Variants in GPSM1 observed in about 807,000 individuals in gnomAD.
GPSM1 encodes G protein-signaling modulator 1.
GPSM1 carries 48 observed loss-of-function variants against 70.5 expected under a neutral mutation model. That is an observed-to-expected ratio of 0.68 (90% CI 0.54 to 0.87). The LOEUF is 0.87. Ranked by LOEUF, GPSM1 falls within the 40% of genes least tolerant of loss-of-function variation. The pLI is 0.00. For missense variants in GPSM1, 981 were observed against 972.6 expected (o/e 1.01, Z -0.11); for synonymous variants, 416 against 430.1 (o/e 0.97, Z 0.41).
chr9:136,335,196 C>T (rs1342058133), intron 2 of GPSM1, among the ~76,000 whole-genome samples: 1 of 151,892 alleles, frequency 6.6e-6, no homozygotes, highest in Non-Finnish European at 1.5e-5. Flanking sequence ...AGGCCCTGAG[C>T]CCCGGGCCCA....
At chr9:136,347,966 G>A (rs1021785650) in intron 9 of GPSM1, among the ~76,000 whole-genome samples, 2 of 152,222 alleles carry the variant, frequency 1.3e-5, no homozygotes, top group Non-Finnish European at 2.9e-5. Flanking sequence ...GCTTGAAGGT[G>A]GGCCTGGCTG....
In GPSM1 at chr9:136,343,011, T is replaced by C. The variant is rs1414409701; in HGVS notation, c.1207+2018T>C. Among the ~76,000 whole-genome samples, 1 of 152,044 alleles carries C rather than the reference T, an allele frequency of 6.6e-6. No homozygotes were observed. The highest frequency in any genetic ancestry group is 2.4e-5 in the African/African-American group (1 of 41,394). On this transcript the variant is annotated intron_variant, in intron 9 of 13. Coordinates refer to ENST00000440944, the MANE Select transcript of GPSM1 (RefSeq NM_001145638.3). The surrounding 1 kb of genome is among the most constrained non-coding windows in gnomAD (Gnocchi z 6.0). ...GTTGATAAACACAAGGAGACTTACG[T>C]GCGGCTGGAGGACAAAGAGCCTTGG...
Position 136,349,732 on chromosome 9 carries a change from G to A in GPSM1, c.1424G>A (p.Ser475Asn). 2 of 1,579,592 alleles carry A rather than the reference G, an allele frequency of 1.3e-6. No homozygotes were observed. The highest frequency in any genetic ancestry group is 8.6e-7 in the Non-Finnish European group (1 of 1,164,252). The stretch of plus-strand genomic sequence containing the variant: ...GAGGGCAGCCACTCCCCGCTGGACA[G>A]CGCCGACGTCCGGGTGCACGTGCCA... ...PREGSHSPLD[S>N]ADVRVHVPRT... Residue 475 changes from serine (S) to asparagine (N), a missense_variant, in exon 11 of 14, where the codon AGC becomes AAC. By Grantham distance (46) the Ser-to-Asn change is conservative. Transcript: ENST00000440944.
chr9:136,338,690 T>G lies in GPSM1; in HGVS notation c.954T>G (p.Ile318Met), dbSNP rs1832312208. ...AAEYHLRHLL[I>M]AQELADRVGE... ...AGTACCACCTGCGGCACCTGCTCAT[T>G]GCCCAGGAGCTGGCCGACAGGTGCG... Residue 318 changes from isoleucine (I) to methionine (M), a missense_variant, in exon 7 of 14, where the codon ATT becomes ATG. Ile to Met is a conservative substitution (Grantham distance 10, BLOSUM62 1). Transcript: ENST00000440944. The G allele has an allele frequency of 6.4e-7, 1 of 1,562,244 alleles. No homozygotes were observed.
chr9:136,357,957 GC>G (rs781995383), intron 13 of GPSM1, 56 bp from the exon 14 acceptor site: 1 of 1,405,880 alleles, frequency 7.1e-7, no homozygotes, highest in Non-Finnish European at 1.0e-6. Context: ...CTGCTGACCA[GC>G]CCCGGACCAC....
Position 136,352,209 on chromosome 9 carries a change from T to C in GPSM1, c.1455+2446T>C, listed in dbSNP as rs71508852. ...TGTTGGTGACACCGATGCTGCGCCG[T>C]TGCTGTTGGTGACACCGATGCTGCG... On this transcript the variant is annotated intron_variant, in intron 11 of 13. Coordinates refer to ENST00000440944, the MANE Select transcript of GPSM1 (RefSeq NM_001145638.3). Among the ~76,000 whole-genome samples, 31 of 50,090 alleles carry C rather than the reference T, an allele frequency of 6.2e-4. 7 individuals carry two copies. The highest frequency in any genetic ancestry group is 4.1e-3 in the South Asian group (4 of 964). 32.9% of individuals were successfully genotyped at this position (50,090 alleles called of 152,430 possible). A position where few individuals can be genotyped will look rare whatever the true frequency, so the allele number is the denominator to read the frequency against.
rs1554771772 is a variant in GPSM1 at position 136,349,712 on chromosome 9, C to A, written c.1404C>A (p.Gly468=). ...GPDAERRPRE[G]SHSPLDSADV... is the part of the protein sequence containing the mutation. ...ACGCTGAGAGGAGGCCCCGGGAGGG[C>A]AGCCACTCCCCGCTGGACAGCGCCG... Residue 468 remains glycine (G), a synonymous_variant, in exon 11 of 14, where the codon GGC becomes GGA. Transcript: ENST00000440944. 1 of 1,572,928 alleles carries A rather than the reference C, an allele frequency of 6.4e-7. No homozygotes were observed. The highest frequency in any genetic ancestry group is 1.9e-5 in the Admixed American group (1 of 53,524).
Position 136,341,785 on chromosome 9 carries a change from G to A in GPSM1, c.1207+792G>A, listed in dbSNP as rs907329833. 3.0e-6 allele frequency: 3 copies of A among 984,814 alleles called. No individual in the cohort carries two copies. The highest frequency in any genetic ancestry group is 3.6e-6 in the Non-Finnish European group (3 of 829,524). 61.0% of individuals were successfully genotyped at this position (984,814 alleles called of 1,614,324 possible). On this transcript the variant is annotated intron_variant, in intron 9 of 13. Coordinates refer to ENST00000440944, the MANE Select transcript of GPSM1 (RefSeq NM_001145638.3). This position sits in a 1 kb window ranked among gnomAD's most constrained non-coding sequence, Gnocchi z 6.7. ...CCAGGCTTGGATGTGGTGCTGGGCT[G>A]CCGGAGTTTCTTTTTCTTATCTTAT...
intron 9 of GPSM1, among the ~76,000 whole-genome samples, chr9:136,348,170 G>A (rs1259541605): frequency 5.3e-5 from 8 of 152,224 alleles, no homozygotes; most frequent in African/African-American, 1.7e-4. Context: ...AAGGTCCCAC[G>A]GCAGAGCTGG....
chr9:136,337,212 G>A (rs536643686), intron 4 of GPSM1, 140 bp downstream of exon 4: 10 of 1,035,194 alleles, frequency 9.7e-6, no homozygotes, highest in African/African-American at 6.4e-5. Context: ...GCCCACCCCC[G>A]CTTTCTCAGC....
chr9:136,347,357 C>A (rs1554771428), intron 9 of GPSM1, among the ~76,000 whole-genome samples: 1 of 152,070 alleles, frequency 6.6e-6, no homozygotes, highest in Admixed American at 6.5e-5. Flanking sequence ...TGGGCACAGC[C>A]CGTGTCCAGT....
Position 136,358,029 on chromosome 9 carries a change from G to A in GPSM1, c.1837G>A (p.Asp613Asn), listed in dbSNP as rs1554773497. 1.2e-6 allele frequency: 2 copies of A among 1,612,566 alleles called. No individual in the cohort carries two copies. The highest frequency in any genetic ancestry group is 1.7e-5 in the Admixed American group (1 of 60,000). The change falls in exon 14 of 14, where the codon GAC becomes AAC. Residue 613 changes from aspartate (D) to asparagine (N), a missense_variant. By Grantham distance (23) the Asp-to-Asn change is conservative. Coordinates refer to ENST00000440944, the MANE Select transcript of GPSM1 (RefSeq NM_001145638.3). ...LIKYQSSRID[D>N]QRCPPPDVLP... Reference sequence around the variant, plus strand: ...GTCCACCCAGTCCTCCAGGATCGATGACCAGCGCTGCCCGCCACCTGACGT... The same window carrying A: ...GTCCACCCAGTCCTCCAGGATCGATAACCAGCGCTGCCCGCCACCTGACGT...
chr9:136,343,205 CTCCCTGGCCAGAGGGCACAG>C lies in GPSM1; in HGVS notation c.1207+2213_1207+2232del, dbSNP rs1832437780. The stretch of plus-strand genomic sequence containing the variant: ...GACCCTGACAGCAACCAGCCCCCAC[CTCCCTGGCCAGAGGGCACAG>C]GCCCGGGCCTCCCACACTTGCTCCT... On this transcript the variant is annotated intron_variant, in intron 9 of 13. Coordinates refer to ENST00000440944, the MANE Select transcript of GPSM1 (RefSeq NM_001145638.3). This position sits in a 1 kb window ranked among gnomAD's most constrained non-coding sequence, Gnocchi z 6.0. 6.6e-6 allele frequency among the ~76,000 whole-genome samples: 1 copy of C among 152,188 alleles called. No homozygotes were observed. The highest frequency in any genetic ancestry group is 6.5e-5 in the Admixed American group (1 of 15,292).
At chr9:136,331,652 C>T (rs62581061) in intron 1 of GPSM1, among the ~76,000 whole-genome samples, 44,679 of 152,184 alleles carry the variant, frequency 0.29, 7,606 homozygotes, top group Middle Eastern at 0.48. Context: ...CAGAGCAGCC[C>T]CCGCTGGGAA....
chr9:136,353,264 A>T (rs1293948053), intron 11 of GPSM1: 3 of 205,984 alleles, frequency 1.5e-5, no homozygotes, highest in Non-Finnish European at 2.6e-5. Context: ...CCTCCTCCGC[A>T]GGAGAAACTG....
intron 11 of GPSM1, 130 bp from the exon 12 acceptor site, chr9:136,355,537 GTTCTGGGGGAGGGGTAGCCGACA>G: frequency 5.1e-6 from 3 of 586,716 alleles, no homozygotes; most frequent in Admixed American, 3.1e-5. Flanking sequence ...TGGGTGACAC[GTTCTGGGGGAGGGGTAGCCGACA>G]GGGGGCAGGT....
At chr9:136,335,096 C>T (rs369145924) in intron 2 of GPSM1, among the ~76,000 whole-genome samples, 124 of 152,278 alleles carry the variant, frequency 8.1e-4, no homozygotes, top group African/African-American at 2.6e-3. Flanking sequence ...CTGTGACCCG[C>T]GTGCTGTGCG....
At chr9:136,339,301 A>G (rs1339215556) in intron 7 of GPSM1, among the ~76,000 whole-genome samples, 1 of 152,228 alleles carries the variant, frequency 6.6e-6, no homozygotes, top group Non-Finnish European at 1.5e-5. Context: ...CCTCCAATAT[A>G]AAAACAACCC....
chr9:136,333,743 G>A (rs1832158007), intron 1 of GPSM1, among the ~76,000 whole-genome samples: 1 of 152,178 alleles, frequency 6.6e-6, no homozygotes, highest in Non-Finnish European at 1.5e-5. Flanking sequence ...GGAACAGCGG[G>A]TTCTCAGGCC....
Sources: allele counts gnomAD v4.1 joint callset (sites outside exome capture counted in the v4.1 genomes callset), GRCh38; gene constraint gnomAD v4.1.1; non-coding constraint Gnocchi (gnomAD v3.1); transcripts MANE v1.5; gene names NCBI Gene and HGNC (gene_info 2026-07-23, HGNC 2026-07-21).